The following DLGAP2 variants were observed in gnomAD, a reference collection of about 807,000 sequenced individuals.
DLGAP2 encodes DLG associated protein 2, also known as disks large-associated protein 2.
In DLGAP2, 26 loss-of-function variants were observed where a neutral mutation model predicts 100.3. The observed-to-expected ratio is 0.26, with a 90% CI of 0.19 to 0.36. DLGAP2 has a LOEUF of 0.36. Ranked by LOEUF, DLGAP2 falls within the 10% of genes least tolerant of loss-of-function variation. The probability of loss-of-function intolerance (pLI) is 1.00; values close to 1 mark genes in which losing one functional copy is unlikely to be tolerated. For missense variants in DLGAP2, 1,858 were observed against 1,453.2 expected (o/e 1.28, Z -4.53); for synonymous variants, 886 against 630.1 (o/e 1.41, Z -6.08).
intron 8 of DLGAP2, among the ~76,000 whole-genome samples, chr8:1,644,391 C>T (rs35888747): frequency 3.3e-5 from 5 of 152,100 alleles, no homozygotes; most frequent in African/African-American, 1.2e-4. Context: ...CCCTCTCGCT[C>T]CCACCCGCTC....
intron 3 of DLGAP2, among the ~76,000 whole-genome samples, chr8:1,467,272 C>T (rs566630317): frequency 6.6e-6 from 1 of 152,080 alleles, no homozygotes; most frequent in South Asian, 2.1e-4. Flanking sequence ...AGCCCCACTG[C>T]ACCCTCATAT....
At chr8:1,124,583 T>G in intron 2 of DLGAP2, among the ~76,000 whole-genome samples, 1 of 152,254 alleles carries the variant, frequency 6.6e-6, no homozygotes, top group East Asian at 1.9e-4. Context: ...TCTCACCATT[T>G]TATAATCTAG....
intron 1 of DLGAP2, among the ~76,000 whole-genome samples, chr8:860,797 G>A (rs953774360): frequency 3.9e-5 from 6 of 152,150 alleles, no homozygotes; most frequent in African/African-American, 7.2e-5. Context: ...CCTGTGTGGC[G>A]GGGAGTCAGT....
chr8:1,531,270 G>T (rs1469374459), intron 4 of DLGAP2, among the ~76,000 whole-genome samples: 2 of 151,892 alleles, frequency 1.3e-5, no homozygotes, highest in Admixed American at 6.6e-5. Flanking sequence ...GTGTGTGTGT[G>T]TGTTCAGGTT....
chr8:1,585,305 A>G (rs1204281534), intron 6 of DLGAP2, among the ~76,000 whole-genome samples: 1 of 152,198 alleles, frequency 6.6e-6, no homozygotes, highest in East Asian at 1.9e-4. Context: ...TGTACTAAAA[A>G]TACAAAAAAT....
intron 2 of DLGAP2, among the ~76,000 whole-genome samples, chr8:1,084,661 C>T (rs1035131886): frequency 6.6e-6 from 1 of 152,212 alleles, no homozygotes; most frequent in Non-Finnish European, 1.5e-5. Context: ...TTTCAGTTAG[C>T]GTGATATCCT....
intron 3 of DLGAP2, among the ~76,000 whole-genome samples, chr8:1,442,719 C>G (rs1381056045): frequency 6.7e-6 from 1 of 149,494 alleles, no homozygotes; most frequent in Non-Finnish European, 1.5e-5. Context: ...CGGATCCGGG[C>G]ATAGACCCGC....
chr8:1,098,232 C>G (rs1355166666), intron 2 of DLGAP2, among the ~76,000 whole-genome samples: 1 of 152,254 alleles, frequency 6.6e-6, no homozygotes, highest in Non-Finnish European at 1.5e-5. Flanking sequence ...CTCCGCACAC[C>G]AGTTTGTTTC....
At chr8:905,412 G>A (rs563433130) in intron 1 of DLGAP2, among the ~76,000 whole-genome samples, 5 of 152,126 alleles carry the variant, frequency 3.3e-5, no homozygotes, top group Admixed American at 2.0e-4. Flanking sequence ...GGGATCATTC[G>A]TCATACCATG....
intron 3 of DLGAP2, among the ~76,000 whole-genome samples, chr8:1,457,391 T>G (rs1798345077): frequency 6.6e-6 from 1 of 152,218 alleles, no homozygotes; most frequent in African/African-American, 2.4e-5. Flanking sequence ...TGAGTTTTCC[T>G]GGAGGCTGTG....
chr8:1,006,143 C>T (rs1273270568), intron 2 of DLGAP2, among the ~76,000 whole-genome samples: 9 of 152,058 alleles, frequency 5.9e-5, no homozygotes, highest in South Asian at 2.1e-4. Context: ...GAGCCGAGAT[C>T]GCACCACTGC....
intron 8 of DLGAP2, among the ~76,000 whole-genome samples, chr8:1,637,052 T>C (rs1797783280): frequency 6.6e-6 from 1 of 152,184 alleles, no homozygotes; most frequent in African/African-American, 2.4e-5. Context: ...GGAATACCCG[T>C]CTGGCCGCCG....
At chr8:914,896 C>G (rs1340789160) in intron 2 of DLGAP2, among the ~76,000 whole-genome samples, 7 of 152,132 alleles carry the variant, frequency 4.6e-5, no homozygotes, top group Non-Finnish European at 1.0e-4. Context: ...AATAGACCTA[C>G]AGTTACTTTT....
chr8:1,588,290 T>C (rs1796186774), intron 6 of DLGAP2, among the ~76,000 whole-genome samples: 1 of 152,092 alleles, frequency 6.6e-6, no homozygotes, highest in Non-Finnish European at 1.5e-5. Flanking sequence ...CCAGAGAATG[T>C]ACTGAATGAA....
intron 2 of DLGAP2, among the ~76,000 whole-genome samples, chr8:1,091,896 G>A (rs1248405909): frequency 2.0e-5 from 3 of 151,198 alleles, no homozygotes; most frequent in Admixed American, 6.6e-5. Flanking sequence ...CTTCTCTAAC[G>A]CACAGCTCCC....
intron 2 of DLGAP2, among the ~76,000 whole-genome samples, chr8:1,225,580 A>G (rs1290790648): frequency 6.6e-6 from 1 of 152,240 alleles, no homozygotes; most frequent in African/African-American, 2.4e-5. Context: ...TATGTTTTTA[A>G]TTATACCTCA....
chr8:918,606 A>G (rs960131452), intron 2 of DLGAP2, among the ~76,000 whole-genome samples: 2 of 152,226 alleles, frequency 1.3e-5, no homozygotes, highest in Admixed American at 1.3e-4. Context: ...GTCTTTGTGA[A>G]CAAGACTGTG....
At chr8:1,242,449 C>T (rs11994603) in intron 2 of DLGAP2, among the ~76,000 whole-genome samples, 3,132 of 152,304 alleles carry the variant, frequency 0.021, 125 homozygotes, top group African/African-American at 0.072. Flanking sequence ...TTCCTGGCCA[C>T]GGACCTTGTT....
Position 1,701,420 on chromosome 8 carries a change from C to T in DLGAP2, c.*14C>T, listed in dbSNP as rs746882489. 5.1e-6 allele frequency: 8 copies of T among 1,569,808 alleles called. No individual in the cohort carries two copies. Among genetic ancestry groups the T allele is most frequent in the African/African-American group, 2.7e-5 (2 of 73,792 alleles). Reference sequence around the variant, plus strand: ...ACCCGGCTCTGAGGGCGGAGGCCGGCGCCTTCCCCTCGTCGCTTCCGCTTT... The same window carrying T: ...ACCCGGCTCTGAGGGCGGAGGCCGGTGCCTTCCCCTCGTCGCTTCCGCTTT... On this transcript the variant is annotated 3_prime_UTR_variant, in exon 15 of 15. Transcript: ENST00000637795.
Sources: gnomAD v4.1 joint callset for allele counts (sites outside exome capture counted in the v4.1 genomes callset) on GRCh38, gnomAD v4.1.1 for gene constraint, MANE v1.5 for transcripts, NCBI Gene and HGNC (gene_info 2026-07-23, HGNC 2026-07-21) for gene names.